Variants in PAX2 observed in about 807,000 individuals in gnomAD.
The protein encoded by PAX2 is paired box protein Pax-2.
In PAX2, 9 loss-of-function variants were observed where a neutral mutation model predicts 41.7. The ratio of observed to expected loss-of-function variants is 0.22; its 90% CI spans 0.13 to 0.38. The LOEUF is 0.38. Among genes scored for constraint, PAX2 ranks in the 10% least tolerant of loss-of-function variants. The probability of loss-of-function intolerance (pLI) is 1.00; values close to 1 mark genes in which losing one functional copy is unlikely to be tolerated. For synonymous variants in PAX2, 221 were observed against 212.7 expected, an observed-to-expected ratio of 1.04 and a Z score of -0.34; for missense variants, 418 against 531.6, an observed-to-expected ratio of 0.79 and a Z score of 2.10.
At chr10:100,787,698 G>T (rs919977284) in intron 5 of PAX2, among the ~76,000 whole-genome samples, 4 of 152,070 alleles carry the variant, frequency 2.6e-5, no homozygotes, top group African/African-American at 9.7e-5. Flanking sequence ...AGAAGAGAGG[G>T]TTGCAGCATC....
intron 7 of PAX2, among the ~76,000 whole-genome samples, chr10:100,811,732 T>A (rs1467206020): frequency 6.6e-6 from 1 of 152,232 alleles, no homozygotes; most frequent in Non-Finnish European, 1.5e-5. Context: ...TAGGTGATTC[T>A]GGGGAGGTGT....
At chr10:100,762,478 C>T (rs1589826728) in intron 3 of PAX2, among the ~76,000 whole-genome samples, 1 of 152,104 alleles carries the variant, frequency 6.6e-6, no homozygotes, top group East Asian at 1.9e-4. Flanking sequence ...CATTTAGTGC[C>T]GTGATCCCTT....
chr10:100,735,727 C>A (rs975384024), exon 1 of PAX2: 3 of 1,047,006 alleles, frequency 2.9e-6, no homozygotes, highest in Non-Finnish European at 3.5e-6. Context: ...GCGCGCGGGT[C>A]CGGCAGGTAA....
At chr10:100,749,323 G>T in intron 1 of PAX2, 2 of 1,008,398 alleles carry the variant, frequency 2.0e-6, no homozygotes, top group South Asian at 4.6e-5. Context: ...CGCGCGGACA[G>T]CTCCCGGGTT....
chr10:100,819,424 G>C (rs1466097801), intron 7 of PAX2, among the ~76,000 whole-genome samples: 2 of 151,934 alleles, frequency 1.3e-5, no homozygotes, highest in East Asian at 3.9e-4. Flanking sequence ...ATAAAAATTA[G>C]CCAGGCATGG....
At chr10:100,786,978 G>A in intron 5 of PAX2, 1 of 1,390,472 alleles carries the variant, frequency 7.2e-7, no homozygotes, top group Non-Finnish European at 9.7e-7. Context: ...CATTAGAGGA[G>A]GTGGAGGTTT....
chr10:100,805,016 TCTCACATACACACACA>T lies in PAX2; in HGVS notation c.617-1412_617-1397del, dbSNP rs1378688982. On this transcript the variant is annotated intron_variant, in intron 5 of 9. Transcript: ENST00000355243. ...CTCTCTCCTTCTCTCTCTCTCTCTC[TCTCACATACACACACA>T]CACACACACACACACACACACACAC... Among the ~76,000 whole-genome samples, 68 of 67,322 alleles carry T rather than the reference TCTCACATACACACACA, an allele frequency of 1.0e-3. 2 individuals carry two copies. Among genetic ancestry groups the T allele is most frequent in the African/African-American group, 5.2e-3 (65 of 12,484 alleles). The allele number at this position is 67,322 out of a possible 152,430, so 44.2% of individuals were successfully genotyped here.
chr10:100,789,019 C>G (rs1846992682), intron 5 of PAX2, among the ~76,000 whole-genome samples: 1 of 152,118 alleles, frequency 6.6e-6, no homozygotes, highest in African/African-American at 2.4e-5. Context: ...GGGCCTCTCT[C>G]TGCTTTTGCT....
intron 5 of PAX2, among the ~76,000 whole-genome samples, chr10:100,792,357 G>A (rs1456402469): frequency 6.6e-6 from 1 of 152,240 alleles, no homozygotes; most frequent in East Asian, 1.9e-4. Context: ...GAAAATGCCT[G>A]GAGAGGAAGT....
rs1050165667 is a variant in PAX2 at position 100,753,009 on chromosome 10, C to G, written c.410+2118C>G. ...CTCAGCTTGACAGCTGTGACAGCTG[C>G]AGAACCTGCCCAGCACAGAGCCCTA... On this transcript the variant is annotated intron_variant, in intron 3 of 9. Coordinates refer to ENST00000355243, the MANE Select transcript of PAX2 (RefSeq NM_000278.5). Among the ~76,000 whole-genome samples, 16 of 152,266 alleles carry G rather than the reference C, an allele frequency of 1.1e-4. 1 individual carries two copies. The highest frequency in any genetic ancestry group is 3.9e-4 in the African/African-American group (16 of 41,550).
At position 100,806,541 on chromosome 10, in the gene PAX2, G is replaced by A. The variant is rs147636578; in HGVS notation, c.728G>A (p.Arg243Gln). 679 of 1,614,078 alleles carry A rather than the reference G, an allele frequency of 4.2e-4. No homozygotes were observed. Among genetic ancestry groups the A allele is most frequent in the Non-Finnish European group, 3.4e-4 (401 of 1,180,038 alleles). The part of the protein sequence containing the change: ...FTQQQLEALD[R>Q]VFERPSYPDV... ...CAGCAGCAGCTGGAAGCTTTGGATC[G>A]GGTCTTTGAGCGTCCTTCCTACCCT... The change falls in exon 6 of 10, where the codon CGG (arginine) becomes CAG (glutamine). Residue 243 changes from arginine (R) to glutamine (Q), a missense_variant. Arg to Gln is a conservative substitution (Grantham distance 43). Transcript: ENST00000355243.
At chr10:100,744,031 C>G (rs1201365253), upstream of PAX2, among the ~76,000 whole-genome samples, 1 of 152,214 alleles carries the variant, frequency 6.6e-6, no homozygotes, top group East Asian at 1.9e-4. Flanking sequence ...CTCAGAACCT[C>G]GTCCCGCTGA....
chr10:100,819,434 G>A (rs1462072593), intron 7 of PAX2, among the ~76,000 whole-genome samples: 2 of 151,958 alleles, frequency 1.3e-5, no homozygotes, highest in East Asian at 1.9e-4. Flanking sequence ...GCCAGGCATG[G>A]TGACAGGTGC....
intron 3 of PAX2, among the ~76,000 whole-genome samples, chr10:100,774,476 G>A (rs999182381): frequency 6.6e-6 from 1 of 151,886 alleles, no homozygotes; most frequent in Non-Finnish European, 1.5e-5. Flanking sequence ...TGTCGCCGCC[G>A]CCACTGCTGC....
rs1310294800 is a variant in PAX2, at chr10:100,829,284, C to G, written c.*1665C>G. The G allele has an allele frequency of 4.3e-6, 1 of 230,198 alleles. No homozygotes were observed. The highest frequency in any genetic ancestry group is 6.1e-5 in the East Asian group (1 of 16,336). The allele number at this position is 230,198 out of a possible 1,614,324, so 14.3% of individuals were successfully genotyped here. A position where few individuals can be genotyped will look rare whatever the true frequency, so the allele number is the denominator to read the frequency against. On this transcript the variant is annotated 3_prime_UTR_variant, in exon 10 of 10. Coordinates refer to ENST00000355243, the MANE Select transcript of PAX2 (RefSeq NM_000278.5). The stretch of plus-strand genomic sequence containing the variant: ...CCCCTCTGTCTCTGTCTCTCTCCGT[C>G]TCTGTCGCTCTTGTCTGTCTGTCTC...
chr10:100,776,232 A>C (rs1217149121), intron 3 of PAX2, among the ~76,000 whole-genome samples: 5 of 152,038 alleles, frequency 3.3e-5, no homozygotes, highest in Non-Finnish European at 7.4e-5. Flanking sequence ...GTCTCCGTTT[A>C]CTGCCCTGCC....
At chr10:100,821,142 G>A (rs1166758520) in intron 7 of PAX2, among the ~76,000 whole-genome samples, 2 of 152,188 alleles carry the variant, frequency 1.3e-5, no homozygotes, top group African/African-American at 4.8e-5. Flanking sequence ...TGGGCAAATG[G>A]TATGACAGTC....
At chr10:100,810,386 A>G (rs1358300279) in intron 7 of PAX2, among the ~76,000 whole-genome samples, 1 of 152,214 alleles carries the variant, frequency 6.6e-6, no homozygotes, top group African/African-American at 2.4e-5. Flanking sequence ...CTGTACTGGT[A>G]CAACTGTTTC....
chr10:100,803,629 C>G (rs951256130), intron 5 of PAX2, among the ~76,000 whole-genome samples: 1 of 152,026 alleles, frequency 6.6e-6, no homozygotes, highest in South Asian at 2.1e-4. Context: ...TGCCTTCCTT[C>G]TCCTACAGGA....
Sources: allele counts gnomAD v4.1 joint callset (sites outside exome capture counted in the v4.1 genomes callset), GRCh38; gene constraint gnomAD v4.1.1; transcripts MANE v1.5; gene names NCBI Gene and HGNC (gene_info 2026-07-23, HGNC 2026-07-21).